Variants in PLA2G4E observed in about 807,000 individuals in gnomAD.
PLA2G4E encodes the protein cytosolic phospholipase A2 epsilon.
Under a neutral mutation model 109.1 loss-of-function variants are expected in PLA2G4E, and 84 were observed. That is an observed-to-expected ratio of 0.77 (90% CI 0.65 to 0.92). The LOEUF is 0.92. PLA2G4E is among the 40% of genes least tolerant of loss of function. The pLI is 0.00. For missense variants in PLA2G4E, 1,057 were observed against 1,076.6 expected, an observed-to-expected ratio of 0.98 and a Z score of 0.25; for synonymous variants, 469 against 436.1, an observed-to-expected ratio of 1.08 and a Z score of -0.94.
chr15:42,046,608 A>G (rs1889420822), intron 1 of PLA2G4E, among the ~76,000 whole-genome samples: 2 of 152,196 alleles, frequency 1.3e-5, no homozygotes, highest in African/African-American at 4.8e-5. Flanking sequence ...TATCAGAAAT[A>G]GTCAGATATT....
intron 1 of PLA2G4E, among the ~76,000 whole-genome samples, chr15:42,019,053 G>C (rs2068623215): frequency 6.6e-6 from 1 of 152,196 alleles, no homozygotes; most frequent in Non-Finnish European, 1.5e-5. Context: ...CAGAGGGGAA[G>C]GCCGCGTTTA....
chr15:42,049,908 T>C (rs980492874), intron 1 of PLA2G4E, among the ~76,000 whole-genome samples: 1 of 152,224 alleles, frequency 6.6e-6, no homozygotes, highest in African/African-American at 2.4e-5. Context: ...GATAATTACC[T>C]TCAGATGCTG....
chr15:42,013,799 CT>C, intron 1 of PLA2G4E, 42 bp from the exon 2 acceptor site: 1 of 1,511,320 alleles, frequency 6.6e-7, no homozygotes. Flanking sequence ...TCAAGCATTA[CT>C]CCAAGGCCAT....
rs752160602 is a variant in PLA2G4E, at chr15:41,989,373, G to C, written c.1723+42C>G. ...GCCAACCCAGGGTGGCCCAGCACTG[G>C]GCAGCAGCCCCCTGTCATTCCGCCA... On this transcript the variant is annotated intron_variant, in intron 15 of 19. Transcript: ENST00000399518. 2.5e-6 allele frequency: 4 copies of C among 1,611,992 alleles called. No homozygotes were observed. In the African/African-American group the frequency reaches 4.0e-5, roughly 16 times the overall value.
intron 1 of PLA2G4E, among the ~76,000 whole-genome samples, chr15:42,021,954 C>T (rs975114436): frequency 8.5e-5 from 13 of 152,212 alleles, no homozygotes; most frequent in African/African-American, 2.4e-4. Context: ...GAACTCTTCA[C>T]GTGCCTGGCC....
exon 20 of PLA2G4E, chr15:41,983,541 G>A (rs2068090932): frequency 3.5e-6 from 2 of 577,800 alleles, no homozygotes; most frequent in Non-Finnish European, 6.1e-6. Flanking sequence ...AGAAACTCTA[G>A]TGGGTATAAA....
intron 12 of PLA2G4E, among the ~76,000 whole-genome samples, chr15:41,994,785 A>G (rs1417533236): frequency 6.6e-6 from 1 of 152,266 alleles, no homozygotes; most frequent in Admixed American, 6.5e-5. Context: ...ATTTTCTTCA[A>G]CCTATAAGTT....
At chr15:41,983,810 C>T in exon 20 of PLA2G4E, 2 of 1,610,026 alleles carry the variant, frequency 1.2e-6, no homozygotes, top group Non-Finnish European at 1.7e-6. Flanking sequence ...AGCCGCAGAG[C>T]CTGGAGGAGA....
exon 20 of PLA2G4E, chr15:41,983,337 T>C (rs537534525): frequency 3.7e-4 from 68 of 185,432 alleles, no homozygotes; most frequent in Non-Finnish European, 6.3e-4. Flanking sequence ...GCCGAGTGCC[T>C]CTCAGGTCCT....
chr15:41,983,838 G>A, exon 20 of PLA2G4E: 1 of 1,612,338 alleles, frequency 6.2e-7, no homozygotes, highest in Non-Finnish European at 8.5e-7. Flanking sequence ...TATTATTCAG[G>A]ATGTTATACT....
chr15:42,033,508 C>G (rs1889151388), intron 1 of PLA2G4E, among the ~76,000 whole-genome samples: 1 of 131,250 alleles, frequency 7.6e-6, no homozygotes, highest in South Asian at 2.4e-4. Context: ...TGGTTGGTGA[C>G]TAGTGGGCTC....
chr15:41,981,750 G>A lies in PLA2G4E; in HGVS notation c.*2004C>T, dbSNP rs2141016627. On this transcript the variant is annotated 3_prime_UTR_variant, in exon 20 of 20. Transcript: ENST00000399518. ...GATACTGGAAGGAGAGTCTGTTGCA[G>A]TCAGAAAGAAAAGATGTCAAAGTGG... The A allele has an allele frequency of 3.3e-5, 5 of 152,376 alleles. No individual in the cohort carries two copies. In the South Asian group the frequency reaches 1.0e-3, roughly 32 times the overall value. The allele number at this position is 152,376 out of a possible 1,614,324, so 9.4% of individuals were successfully genotyped here. A position where few individuals can be genotyped will look rare whatever the true frequency, so the allele number is the denominator to read the frequency against.
intron 1 of PLA2G4E, among the ~76,000 whole-genome samples, chr15:42,022,312 T>C (rs2068655827): frequency 6.6e-6 from 1 of 152,160 alleles, no homozygotes; most frequent in Non-Finnish European, 1.5e-5. Context: ...GTAGTCCCCA[T>C]CCTTTTTTAG....
At chr15:42,019,106 C>A (rs1426723644) in intron 1 of PLA2G4E, among the ~76,000 whole-genome samples, 1 of 152,204 alleles carries the variant, frequency 6.6e-6, no homozygotes, top group African/African-American at 2.4e-5. Flanking sequence ...CCAGGAGTGG[C>A]AGAGCCAGGA....
chr15:41,985,181 T>C (rs1008349730), intron 18 of PLA2G4E, among the ~76,000 whole-genome samples: 10 of 152,194 alleles, frequency 6.6e-5, no homozygotes, highest in African/African-American at 2.4e-4. Flanking sequence ...ATAGCAGTTG[T>C]GCCGTCTCCC....
exon 2 of PLA2G4E, chr15:42,013,749 C>T (rs775011915): frequency 6.4e-7 from 1 of 1,550,412 alleles, no homozygotes; most frequent in South Asian, 1.2e-5. Context: ...GGCATGGAGA[C>T]AGCCCCTCCT....
chr15:42,013,698 C>T (rs1255205006), exon 2 of PLA2G4E: 8 of 1,550,402 alleles, frequency 5.2e-6, no homozygotes, highest in Non-Finnish European at 7.0e-6. Context: ...TATCAGCCTG[C>T]CGGACATTTT....
intron 9 of PLA2G4E, 83 bp downstream of exon 9, chr15:41,999,834 C>T: frequency 1.4e-6 from 2 of 1,412,378 alleles, no homozygotes; most frequent in South Asian, 2.5e-5. Flanking sequence ...CTCTCTTGTA[C>T]CTCCCCAGGC....
chr15:41,989,595 G>A (rs2068208029), intron 14 of PLA2G4E, 43 bp from the exon 15 acceptor site: 2 of 1,586,580 alleles, frequency 1.3e-6, no homozygotes, highest in Non-Finnish European at 1.7e-6. Context: ...TCAGGCCAGG[G>A]AGCCGTCCAC....
Sources: allele counts gnomAD v4.1 joint callset (sites outside exome capture counted in the v4.1 genomes callset), GRCh38; gene constraint gnomAD v4.1.1; transcripts MANE v1.5; gene names NCBI Gene and HGNC (gene_info 2026-07-23, HGNC 2026-07-21).